Variants in TGM4 observed in about 807,000 individuals in gnomAD.
TGM4 encodes transglutaminase 4.
Under a neutral mutation model 76.3 loss-of-function variants are expected in TGM4, and 61 were observed. The ratio of observed to expected loss-of-function variants is 0.80; its 90% CI spans 0.65 to 0.99. The LOEUF (loss-of-function observed/expected upper bound fraction) is 0.99. TGM4 is among the 50% of genes least tolerant of loss of function. The pLI is 0.00. For synonymous variants in TGM4, 337 were observed against 329.8 expected, an observed-to-expected ratio of 1.02 and a Z score of -0.24; for missense variants, 794 against 843.2, an observed-to-expected ratio of 0.94 and a Z score of 0.72.
At chr3:44,907,290 T>G (rs1575726960) in intron 10 of TGM4, 90 bp downstream of exon 10, 6 of 1,274,272 alleles carry the variant, frequency 4.7e-6, no homozygotes, top group South Asian at 4.6e-5. Context: ...CTGGGCAACA[T>G]GGTGAAACCC....
intron 10 of TGM4, 110 bp downstream of exon 10, chr3:44,907,310 CAAAAAAAA>C (rs3082589): frequency 4.5e-4 from 298 of 659,760 alleles, no homozygotes; most frequent in Middle Eastern, 2.5e-3. Context: ...CCATCCCTAC[CAAAAAAAA>C]AAAAAAAAAA....
At chr3:44,887,550 G>T (rs1699624792) in intron 2 of TGM4, 139 bp from the exon 3 acceptor site, 2 of 692,206 alleles carry the variant, frequency 2.9e-6, no homozygotes, top group South Asian at 3.8e-5. Flanking sequence ...GAATTAGAGG[G>T]GCTGGAGCCA....
chr3:44,888,306 T>G (rs752798350), intron 3 of TGM4: 2 of 159,288 alleles, frequency 1.3e-5, no homozygotes, highest in African/African-American at 4.8e-5. Context: ...AATCTTCCAG[T>G]GTTGTAAAGA....
rs554313645 is a variant in TGM4, at chr3:44,902,628, CA to C, written c.971+705del. 2.6e-3 allele frequency among the ~76,000 whole-genome samples: 390 copies of C among 148,434 alleles called. 3 individuals are homozygous for C. Among genetic ancestry groups the C allele is most frequent in the African/African-American group, 9.2e-3 (369 of 40,140 alleles). ...AACAAAAACAAAAACAAAAAACAAA[CA>C]AAAAAAATGCAGATTCCTGTACTGG... is the stretch of plus-strand genomic sequence containing the variant. On this transcript the variant is annotated intron_variant, in intron 8 of 13. Coordinates refer to ENST00000296125, the MANE Select transcript of TGM4 (RefSeq NM_003241.4).
chr3:44,885,242 C>A, intron 1 of TGM4, 83 bp from the exon 2 acceptor site: 1 of 1,431,726 alleles, frequency 7.0e-7, no homozygotes, highest in Non-Finnish European at 9.4e-7. Context: ...TCAATGCACT[C>A]TCAGATTTTG....
At chr3:44,897,504 C>T (rs1194599619) in intron 6 of TGM4, among the ~76,000 whole-genome samples, 1 of 152,182 alleles carries the variant, frequency 6.6e-6, no homozygotes, top group Non-Finnish European at 1.5e-5. Context: ...CTGGTTTTAG[C>T]ACTAAGAATA....
intron 10 of TGM4, among the ~76,000 whole-genome samples, chr3:44,908,109 T>A (rs1699950266): frequency 6.6e-6 from 1 of 152,150 alleles, no homozygotes; most frequent in African/African-American, 2.4e-5. Flanking sequence ...TGTGAGCTTG[T>A]GTAAAACCTT....
Position 44,890,883 on chromosome 3 carries a change from A to G in TGM4, c.430+151A>G, listed in dbSNP as rs937835. 9 of 992,336 alleles carry G rather than the reference A, an allele frequency of 9.1e-6. No homozygotes were observed. In the East Asian group the frequency reaches 1.3e-4, roughly 15 times the overall value. The allele number at this position is 992,336 out of a possible 1,614,324, so 61.5% of individuals were successfully genotyped here. A position where few individuals can be genotyped will look rare whatever the true frequency, so the allele number is the denominator to read the frequency against. ...ACCCAGGAACAGATCACAGACACCAATGGAGCGTTTTCTTTGTGACCAGGC... is the reference window on the plus strand; with the variant it reads ...ACCCAGGAACAGATCACAGACACCAGTGGAGCGTTTTCTTTGTGACCAGGC... On this transcript the variant is annotated intron_variant, in intron 4 of 13. Transcript: ENST00000296125.
chr3:44,893,954 A>G (rs58117421), intron 5 of TGM4, among the ~76,000 whole-genome samples: 830 of 10,150 alleles, frequency 0.082, 19 homozygotes, highest in African/African-American at 0.2. Flanking sequence ...CACCCCCCAC[A>G]GCTCTCTCCT....
intron 6 of TGM4, chr3:44,900,734 C>T (rs1267716667): frequency 6.6e-6 from 1 of 152,174 alleles, no homozygotes; most frequent in Non-Finnish European, 1.5e-5. Flanking sequence ...CGGAGGGTTC[C>T]TCTGCACCTG....
chr3:44,897,585 G>C (rs1375123169), intron 6 of TGM4, among the ~76,000 whole-genome samples: 1 of 152,144 alleles, frequency 6.6e-6, no homozygotes, highest in African/African-American at 2.4e-5. Flanking sequence ...CTGGCCACTT[G>C]GAAGTCAGTT....
chr3:44,886,858 A>G (rs914320396), intron 2 of TGM4, among the ~76,000 whole-genome samples: 6 of 152,212 alleles, frequency 3.9e-5, no homozygotes, highest in Admixed American at 1.3e-4. Flanking sequence ...TGATGAAGAA[A>G]CCAAAAACAA....
chr3:44,879,401 G>A (rs533542570), intron 1 of TGM4, among the ~76,000 whole-genome samples: 52 of 151,300 alleles, frequency 3.4e-4, no homozygotes, highest in Non-Finnish European at 5.7e-4. Context: ...CTGCCTCCCC[G>A]GTTCAAGCAA....
chr3:44,874,864 CTT>C (rs1272723838), intron 1 of TGM4, among the ~76,000 whole-genome samples, 167 bp downstream of exon 1: 1 of 152,204 alleles, frequency 6.6e-6, no homozygotes. Flanking sequence ...AACCCACAAA[CTT>C]TTCATTTAGG....
intron 9 of TGM4, 85 bp downstream of exon 9, chr3:44,904,072 A>C (rs1354004945): frequency 8.2e-7 from 1 of 1,213,580 alleles, no homozygotes; most frequent in Non-Finnish European, 1.2e-6. Flanking sequence ...GTATGCAGCC[A>C]AGCAGGTGGG....
Position 44,910,297 on chromosome 3 carries a change from T to G in TGM4, c.1535T>G (p.Leu512Arg). 1 of 1,614,198 alleles carries G rather than the reference T, an allele frequency of 6.2e-7. No homozygotes were observed. Among genetic ancestry groups the G allele is most frequent in the Non-Finnish European group, 8.5e-7 (1 of 1,180,042 alleles). ...QNVNILGSFE[L>R]QLYTGKKMAK... Reference sequence around the variant, plus strand: ...GTCAACATCTTGGGCTCCTTTGAACTACAGTTGTACACTGGCAAGAAGATG... The same window carrying G: ...GTCAACATCTTGGGCTCCTTTGAACGACAGTTGTACACTGGCAAGAAGATG... The change falls in exon 11 of 14, where the codon CTA (leucine) becomes CGA (arginine). Residue 512 changes from leucine (L) to arginine (R), a missense_variant. Leu to Arg is a moderately radical substitution (Grantham distance 102). Transcript: ENST00000296125.
chr3:44,901,643 G>C lies in TGM4; in HGVS notation c.777G>C (p.Thr259=). The C allele has an allele frequency of 6.2e-7, 1 of 1,614,202 alleles. No homozygotes were observed. Among genetic ancestry groups the C allele is most frequent in the South Asian group, 1.1e-5 (1 of 91,080 alleles). The change falls in exon 7 of 14, where the codon ACG becomes ACC. Residue 259 remains threonine (T), a synonymous_variant. Coordinates refer to ENST00000296125, the MANE Select transcript of TGM4 (RefSeq NM_003241.4). Reference sequence around the variant, plus strand: ...CGATCCTGCAGCAGTACTACAACACGAAGCAGGCTGTGTGCTTTGGCCAGT... The same window carrying C: ...CGATCCTGCAGCAGTACTACAACACCAAGCAGGCTGTGTGCTTTGGCCAGT... ...SAPILQQYYN[T]KQAVCFGQCW...
chr3:44,914,874 C>A lies in TGM4; in HGVS notation c.*1149C>A, dbSNP rs993826968. 6.6e-6 allele frequency: 1 copy of A among 152,220 alleles called. No homozygotes were observed. Among genetic ancestry groups the A allele is most frequent in the African/African-American group, 2.4e-5 (1 of 41,430 alleles). 9.4% of individuals were successfully genotyped at this position (152,220 alleles called of 1,614,324 possible). A position where few individuals can be genotyped will look rare whatever the true frequency, so the allele number is the denominator to read the frequency against. On this transcript the variant is annotated 3_prime_UTR_variant, in exon 14 of 14. Transcript: ENST00000296125. ...GGAGAGTCATGGGTGGGATACCTGT[C>A]ATCCTCTGCCTTTCCAGCTGTCCAA...
intron 1 of TGM4, among the ~76,000 whole-genome samples, chr3:44,881,165 C>T (rs896930437): frequency 5.3e-5 from 8 of 151,408 alleles, no homozygotes; most frequent in Admixed American, 1.3e-4. Flanking sequence ...GTTCACACCA[C>T]GGCACTCCAG....
Sources: allele counts gnomAD v4.1 joint callset (sites outside exome capture counted in the v4.1 genomes callset), GRCh38; gene constraint gnomAD v4.1.1; transcripts MANE v1.5; gene names NCBI Gene and HGNC (gene_info 2026-07-23, HGNC 2026-07-21).